PHLDB2: variants seen among roughly 807,000 people sequenced by gnomAD.
The protein encoded by PHLDB2 is pleckstrin homology-like domain family B member 2.
A neutral mutation model predicts 123.6 loss-of-function variants in PHLDB2; 71 were observed. That is an observed-to-expected ratio of 0.57 (90% CI 0.47 to 0.70). The LOEUF is 0.70. Ranked by LOEUF, PHLDB2 falls within the 30% of genes least tolerant of loss-of-function variation. PHLDB2 has a pLI of 0.00. For synonymous variants in PHLDB2, 547 were observed against 541.6 expected (o/e 1.01, Z -0.14); for missense variants, 1,446 against 1,519.5 (o/e 0.95, Z 0.80).
intron 1 of PHLDB2, among the ~76,000 whole-genome samples, chr3:111,767,585 C>T (rs2060104279): frequency 6.6e-6 from 1 of 152,176 alleles, no homozygotes; most frequent in Non-Finnish European, 1.5e-5. Flanking sequence ...ATCTGAAAAT[C>T]AGGATGATAA....
Position 111,805,858 on chromosome 3 carries a change from A to G in PHLDB2, c.-48-39963A>G, listed in dbSNP as rs1251512112. 6.1e-5 allele frequency among the ~76,000 whole-genome samples: 9 copies of G among 148,610 alleles called. 2 individuals are homozygous for G. Among genetic ancestry groups the G allele is most frequent in the South Asian group, 2.2e-4 (1 of 4,490 alleles). On this transcript the variant is annotated intron_variant, in intron 1 of 17. Transcript: ENST00000393923. ...GCATAGATGTATGCAAAAAAAAAAA[A>G]AAGAAGAAGAAAAAAGAAAAGATAC...
chr3:111,917,000 C>T (rs1449067711), intron 3 of PHLDB2: 1 of 152,170 alleles, frequency 6.6e-6, no homozygotes, highest in African/African-American at 2.4e-5. Context: ...ACAATGTTCT[C>T]TGTCACTGTA....
At chr3:111,889,749 A>G (rs2066372912) in intron 2 of PHLDB2, among the ~76,000 whole-genome samples, 2 of 152,198 alleles carry the variant, frequency 1.3e-5, no homozygotes, top group Admixed American at 6.5e-5. Context: ...ATTTATTTCA[A>G]GAAAATAAAT....
chr3:111,798,388 T>C (rs910841292), intron 1 of PHLDB2, among the ~76,000 whole-genome samples: 4 of 152,228 alleles, frequency 2.6e-5, no homozygotes, highest in African/African-American at 9.6e-5. Context: ...TCAAATCATC[T>C]GTATAGGAGA....
intron 1 of PHLDB2, among the ~76,000 whole-genome samples, chr3:111,774,985 C>G (rs2060242837): frequency 6.6e-6 from 1 of 151,950 alleles, no homozygotes; most frequent in Non-Finnish European, 1.5e-5. Flanking sequence ...AACAAGGGAA[C>G]CGAATTAAGA....
intron 13 of PHLDB2, among the ~76,000 whole-genome samples, chr3:111,965,486 T>C (rs544435691): frequency 6.6e-6 from 1 of 152,356 alleles, no homozygotes; most frequent in South Asian, 2.1e-4. Context: ...GAGAATACTA[T>C]ATTAATAAGT....
At chr3:111,887,353 A>C (rs2066232261) in intron 2 of PHLDB2, among the ~76,000 whole-genome samples, 1 of 152,168 alleles carries the variant, frequency 6.6e-6, no homozygotes, top group South Asian at 2.1e-4. Flanking sequence ...GCTTATTTTT[A>C]AATTTGACAC....
intron 1 of PHLDB2, among the ~76,000 whole-genome samples, chr3:111,755,419 A>G (rs1391806343): frequency 1.4e-5 from 2 of 140,962 alleles, no homozygotes; most frequent in African/African-American, 5.3e-5. Flanking sequence ...TTTCTTCTAG[A>G]TTTTCTAGTT....
intron 1 of PHLDB2, among the ~76,000 whole-genome samples, chr3:111,868,628 TA>T (rs58433107): frequency 0.018 from 2,674 of 152,088 alleles, 73 homozygotes; most frequent in African/African-American, 0.061. Flanking sequence ...AATTTATATA[TA>T]TATATATGTG....
chr3:111,941,320 A>C (rs1024330316), intron 8 of PHLDB2, among the ~76,000 whole-genome samples: 5 of 152,184 alleles, frequency 3.3e-5, no homozygotes, highest in Non-Finnish European at 7.3e-5. Context: ...CCAAACATTA[A>C]AGTTAATGGG....
chr3:111,962,929 C>CAAAAA (rs57625439), intron 13 of PHLDB2, among the ~76,000 whole-genome samples: 17 of 93,750 alleles, frequency 1.8e-4, no homozygotes, highest in Admixed American at 2.5e-4. Context: ...AACTCCATCT[C>CAAAAA]AAAAAAAAAA....
intron 1 of PHLDB2, among the ~76,000 whole-genome samples, chr3:111,789,767 C>T (rs1031119090): frequency 6.6e-5 from 10 of 152,114 alleles, no homozygotes; most frequent in East Asian, 1.9e-4. Context: ...TAGCAGTTAC[C>T]GCCGTGCCAA....
rs2399399 is a variant in PHLDB2 at position 111,919,057 on chromosome 3, G to A, written c.1720-15G>A. 0.88 allele frequency: 1,417,769 copies of A among 1,611,956 alleles called. 625,115 individuals are homozygous for A. Among genetic ancestry groups the A allele is most frequent in the East Asian group, 0.93 (41,761 of 44,860 alleles). ...TGAGGTGTGAATAATCCATTTCTGTGTTGATTAATCGCAGACCCCAGAGGG... is the reference window on the plus strand; with the variant it reads ...TGAGGTGTGAATAATCCATTTCTGTATTGATTAATCGCAGACCCCAGAGGG... On this transcript the variant is annotated splice_polypyrimidine_tract_variant and intron_variant, in intron 3 of 17. Transcript: ENST00000431670.
intron 1 of PHLDB2, among the ~76,000 whole-genome samples, chr3:111,870,544 T>C (rs1038669463): frequency 2.6e-5 from 4 of 152,148 alleles, no homozygotes; most frequent in African/African-American, 9.7e-5. Context: ...TTCCATGTGT[T>C]TTGATGTTGG....
chr3:111,757,330 G>T (rs577029553), intron 1 of PHLDB2, among the ~76,000 whole-genome samples: 2 of 152,056 alleles, frequency 1.3e-5, no homozygotes, highest in African/African-American at 2.4e-5. Context: ...TCATATTTCT[G>T]GGAGGCTTTG....
chr3:111,804,252 G>A (rs1192112493), intron 1 of PHLDB2, among the ~76,000 whole-genome samples: 1 of 152,090 alleles, frequency 6.6e-6, no homozygotes, highest in Non-Finnish European at 1.5e-5. Flanking sequence ...AGAACACATG[G>A]TCTATAAACA....
At chr3:111,877,550 T>C (rs2065695990) in intron 1 of PHLDB2, among the ~76,000 whole-genome samples, 1 of 152,256 alleles carries the variant, frequency 6.6e-6, no homozygotes, top group South Asian at 2.1e-4. Context: ...TCTTTTGCTG[T>C]GCAGAAGCTC....
At chr3:111,839,290 C>G (rs1204347355) in intron 1 of PHLDB2, among the ~76,000 whole-genome samples, 1 of 151,776 alleles carries the variant, frequency 6.6e-6, no homozygotes, top group East Asian at 1.9e-4. Flanking sequence ...GGATAATTAA[C>G]TAACTTGAAC....
intron 1 of PHLDB2, among the ~76,000 whole-genome samples, chr3:111,776,684 A>G (rs1431780563): frequency 6.6e-6 from 1 of 152,172 alleles, no homozygotes; most frequent in Non-Finnish European, 1.5e-5. Flanking sequence ...AAGAGTGCCA[A>G]GGAGTTACAG....
Sources: allele counts gnomAD v4.1 joint callset (sites outside exome capture counted in the v4.1 genomes callset), GRCh38; gene constraint gnomAD v4.1.1; transcripts MANE v1.5; gene names NCBI Gene and HGNC (gene_info 2026-07-23, HGNC 2026-07-21).